GALNT13: variants seen among roughly 807,000 people sequenced by gnomAD.
GALNT13 encodes the protein polypeptide N-acetylgalactosaminyltransferase 13, also known as UDP-GalNAc:polypeptide N-acetylgalactosaminyltransferase 13.
In GALNT13, 28 loss-of-function variants were observed where a neutral mutation model predicts 64.2. The observed-to-expected ratio is 0.44, with a 90% confidence interval of 0.32 to 0.60. The LOEUF (loss-of-function observed/expected upper bound fraction) is 0.60. GALNT13 is among the 20% of genes least tolerant of loss of function. The pLI is 0.05. For missense variants in GALNT13, 577 were observed against 669.8 expected (o/e 0.86, Z 1.53); for synonymous variants, 214 against 224.6 (o/e 0.95, Z 0.42).
At chr2:154,102,638 C>T (rs532347417) in intron 3 of GALNT13, among the ~76,000 whole-genome samples, 4 of 151,904 alleles carry the variant, frequency 2.6e-5, no homozygotes, top group African/African-American at 9.7e-5. Context: ...ATCCAAACAT[C>T]GTAACCAAAC....
At chr2:153,993,357 T>TA (rs1313076366) in intron 3 of GALNT13, among the ~76,000 whole-genome samples, 1 of 152,048 alleles carries the variant, frequency 6.6e-6, no homozygotes, top group Non-Finnish European at 1.5e-5. Flanking sequence ...TATACTGAAT[T>TA]AAAAAATGAT....
At chr2:153,082,987 C>A in the GALNT13 span, among the ~76,000 whole-genome samples, 1 of 151,598 alleles carries the variant, frequency 6.6e-6, no homozygotes, top group Non-Finnish European at 1.5e-5. Context: ...CACCACCATG[C>A]CTAGCTAATT....
chr2:153,156,974 T>C, the GALNT13 span, among the ~76,000 whole-genome samples: 8 of 152,152 alleles, frequency 5.3e-5, 1 homozygote, highest in East Asian at 7.7e-4. Context: ...GTCTGCTTCA[T>C]CTCAAAAGAG....
At chr2:153,615,132 T>A in the GALNT13 span, among the ~76,000 whole-genome samples, 1 of 152,126 alleles carries the variant, frequency 6.6e-6, no homozygotes, top group South Asian at 2.1e-4. Flanking sequence ...CATACCATGT[T>A]TGTCTTTCTG....
chr2:153,147,943 C>T, the GALNT13 span, among the ~76,000 whole-genome samples: 1 of 151,790 alleles, frequency 6.6e-6, no homozygotes, highest in African/African-American at 2.4e-5. Context: ...ATTGTAGAAC[C>T]TAGACATGCT....
chr2:153,779,132 A>G, the GALNT13 span, among the ~76,000 whole-genome samples: 5 of 152,308 alleles, frequency 3.3e-5, no homozygotes, highest in South Asian at 1.0e-3. Flanking sequence ...TGAATAAATG[A>G]ACTAACTTCA....
chr2:154,175,286 T>C (rs189192909), intron 4 of GALNT13, among the ~76,000 whole-genome samples: 100 of 152,310 alleles, frequency 6.6e-4, no homozygotes, highest in Non-Finnish European at 1.3e-3. Flanking sequence ...GTTAATCTGT[T>C]CTTTTCAGAT....
chr2:153,403,818 G>A, the GALNT13 span, among the ~76,000 whole-genome samples: 11 of 152,094 alleles, frequency 7.2e-5, no homozygotes, highest in African/African-American at 9.7e-5. Flanking sequence ...ACTGACCTGC[G>A]CCCACTGTCT....
chr2:153,227,436 G>A, the GALNT13 span, among the ~76,000 whole-genome samples: 2,656 of 152,222 alleles, frequency 0.017, 86 homozygotes, highest in African/African-American at 0.06. Flanking sequence ...CATTAGAGGT[G>A]ATGAGGTAGA....
At chr2:154,124,036 G>A (rs929594540) in intron 3 of GALNT13, among the ~76,000 whole-genome samples, 62 of 151,934 alleles carry the variant, frequency 4.1e-4, no homozygotes, top group African/African-American at 1.4e-3. Context: ...TTAAATAAAG[G>A]TAGTTTGAAA....
At chr2:153,829,341 C>G in the GALNT13 span, among the ~76,000 whole-genome samples, 1 of 152,114 alleles carries the variant, frequency 6.6e-6, no homozygotes, top group Non-Finnish European at 1.5e-5. Flanking sequence ...AATGGACTTA[C>G]AGTTCCACAT....
At chr2:154,294,957 C>T (rs1018848258) in intron 8 of GALNT13, among the ~76,000 whole-genome samples, 7 of 152,210 alleles carry the variant, frequency 4.6e-5, no homozygotes, top group East Asian at 1.9e-4. Flanking sequence ...CTCCTGGCTA[C>T]GGCAGTTTTT....
chr2:153,118,178 T>C, the GALNT13 span, among the ~76,000 whole-genome samples: 1 of 148,830 alleles, frequency 6.7e-6, no homozygotes, highest in Non-Finnish European at 1.5e-5. Flanking sequence ...CTTCCTTCTT[T>C]ACAAAAGAAA....
the GALNT13 span, among the ~76,000 whole-genome samples, chr2:153,590,866 G>A: frequency 1.8e-4 from 28 of 152,076 alleles, no homozygotes; most frequent in African/African-American, 6.5e-4. Context: ...ATATAACACT[G>A]AATGGAGAAA....
chr2:153,478,815 G>C, the GALNT13 span: 2,107 of 450,832 alleles, frequency 4.7e-3, 17 homozygotes, highest in Middle Eastern at 6.9e-3. Context: ...TCGCTCGAGG[G>C]GGGGCTGTTG....
chr2:153,411,651 G>C, the GALNT13 span, among the ~76,000 whole-genome samples: 17 of 152,170 alleles, frequency 1.1e-4, no homozygotes, highest in African/African-American at 4.1e-4. Context: ...ATGCTGGGCC[G>C]TCTGACTGAT....
the GALNT13 span, among the ~76,000 whole-genome samples, chr2:153,665,927 A>G: frequency 6.6e-6 from 1 of 152,126 alleles, no homozygotes; most frequent in African/African-American, 2.4e-5. Flanking sequence ...AAGAATGGAC[A>G]GGGATGCCCA....
At chr2:154,336,257 T>C (rs1031277232) in intron 9 of GALNT13, among the ~76,000 whole-genome samples, 24 of 152,098 alleles carry the variant, frequency 1.6e-4, no homozygotes, top group African/African-American at 5.5e-4. Flanking sequence ...TTGCAGTTTA[T>C]GAAGACCAGA....
the GALNT13 span, among the ~76,000 whole-genome samples, chr2:153,194,045 T>C: frequency 1.3e-5 from 2 of 152,216 alleles, no homozygotes; most frequent in African/African-American, 4.8e-5. Context: ...TAACTTTTGA[T>C]AGTTTGACTA....
Sources: gnomAD v4.1 joint callset for allele counts (sites outside exome capture counted in the v4.1 genomes callset) on GRCh38, gnomAD v4.1.1 for gene constraint, MANE v1.5 for transcripts, NCBI Gene and HGNC (gene_info 2026-07-23, HGNC 2026-07-21) for gene names.